Variants in PTPRG observed in about 807,000 individuals in gnomAD.
PTPRG encodes the protein protein tyrosine phosphatase receptor type G.
PTPRG carries 102 observed loss-of-function variants against 165.3 expected under a neutral mutation model. The ratio of observed to expected loss-of-function variants is 0.62; its 90% CI spans 0.53 to 0.73. PTPRG has a LOEUF of 0.73. Ranked by LOEUF, PTPRG falls within the 30% of genes least tolerant of loss-of-function variation. The pLI, the probability that PTPRG is intolerant of heterozygous loss-of-function variation, is 0.00. For missense variants in PTPRG, 1,866 were observed against 1,861.4 expected (o/e 1.00, Z -0.05); for synonymous variants, 675 against 669.5 (o/e 1.01, Z -0.13).
At chr3:61,694,655 C>T (rs549339950) in intron 1 of PTPRG, among the ~76,000 whole-genome samples, 1 of 152,260 alleles carries the variant, frequency 6.6e-6, no homozygotes, top group East Asian at 1.9e-4. Context: ...TTAAAACATC[C>T]TAGATATCCA....
intron 2 of PTPRG, among the ~76,000 whole-genome samples, chr3:61,761,591 A>AAACC: frequency 6.6e-6 from 1 of 151,740 alleles, no homozygotes; most frequent in African/African-American, 2.4e-5. Flanking sequence ...ACAAAGAAAC[A>AAACC]AACAAACAAA....
intron 8 of PTPRG, among the ~76,000 whole-genome samples, chr3:62,177,637 C>T (rs1705474790): frequency 6.6e-6 from 1 of 152,184 alleles, no homozygotes; most frequent in Admixed American, 6.5e-5. Context: ...CCGTCTTGTA[C>T]TTTCCTTCCC....
intron 1 of PTPRG, among the ~76,000 whole-genome samples, chr3:61,664,799 C>G (rs1359398017): frequency 6.6e-6 from 1 of 152,114 alleles, no homozygotes; most frequent in Non-Finnish European, 1.5e-5. Context: ...CCATTGCACT[C>G]CAGCCTGGGC....
chr3:61,937,167 G>C (rs866189418), intron 2 of PTPRG, among the ~76,000 whole-genome samples: 1 of 152,200 alleles, frequency 6.6e-6, no homozygotes, highest in Admixed American at 6.5e-5. Context: ...TTCCTTGAAA[G>C]ATGCAAACCT....
At chr3:61,729,298 T>TA (rs1366145982) in intron 1 of PTPRG, among the ~76,000 whole-genome samples, 1 of 152,040 alleles carries the variant, frequency 6.6e-6, no homozygotes, top group Non-Finnish European at 1.5e-5. Context: ...GATGGCTTGA[T>TA]ACCAACATTT....
At chr3:62,287,850 T>TATATACATAGGCCATAAATGG (rs1284296641) in intron 28 of PTPRG, among the ~76,000 whole-genome samples, 14 of 152,114 alleles carry the variant, frequency 9.2e-5, no homozygotes, top group Non-Finnish European at 1.6e-4. Context: ...ATGGTTTATT[T>TATATACATAGGCCATAAATGG]ATATACATAG....
chr3:61,904,637 G>A (rs1247556864), intron 2 of PTPRG, among the ~76,000 whole-genome samples: 1 of 152,024 alleles, frequency 6.6e-6, no homozygotes, highest in Non-Finnish European at 1.5e-5. Context: ...TAACAGCTGG[G>A]GTTTTTCACT....
chr3:61,939,555 G>C (rs944927847), intron 2 of PTPRG, among the ~76,000 whole-genome samples: 5 of 152,190 alleles, frequency 3.3e-5, no homozygotes, highest in Non-Finnish European at 7.3e-5. Flanking sequence ...GTAAGGTGCT[G>C]CATTTTGGGA....
chr3:61,797,998 A>G (rs2035107102), intron 2 of PTPRG, among the ~76,000 whole-genome samples: 1 of 152,210 alleles, frequency 6.6e-6, no homozygotes, highest in Non-Finnish European at 1.5e-5. Context: ...GAAGGCAGAG[A>G]GATACTTGAG....
intron 5 of PTPRG, among the ~76,000 whole-genome samples, chr3:62,086,680 G>T (rs1701763201): frequency 6.6e-6 from 1 of 152,110 alleles, no homozygotes. Flanking sequence ...TGATTAAGAA[G>T]ACTTTTTTTT....
intron 1 of PTPRG, among the ~76,000 whole-genome samples, chr3:61,721,622 T>A (rs991061618): frequency 1.3e-5 from 2 of 152,180 alleles, no homozygotes; most frequent in Non-Finnish European, 2.9e-5. Context: ...TTTTCATATT[T>A]AACACCATGT....
chr3:62,092,414 T>C (rs1701968898), intron 5 of PTPRG, among the ~76,000 whole-genome samples: 1 of 118,122 alleles, frequency 8.5e-6, no homozygotes, highest in Admixed American at 1.1e-4. Context: ...CACTCCAACC[T>C]GGGCAACAGA....
chr3:61,738,280 A>G (rs3933166), intron 1 of PTPRG, among the ~76,000 whole-genome samples: 22 of 13,214 alleles, frequency 1.7e-3, no homozygotes, highest in Non-Finnish European at 3.3e-3. Flanking sequence ...ATATATATAC[A>G]TATATATATA....
At chr3:62,179,979 G>A (rs759604020) in intron 8 of PTPRG, among the ~76,000 whole-genome samples, 7 of 152,224 alleles carry the variant, frequency 4.6e-5, no homozygotes, top group African/African-American at 1.2e-4. Flanking sequence ...GAGATGCAGA[G>A]TTAACAGGTA....
chr3:61,591,106 T>C (rs1415541832), intron 1 of PTPRG, among the ~76,000 whole-genome samples: 1 of 152,190 alleles, frequency 6.6e-6, no homozygotes, highest in East Asian at 1.9e-4. Flanking sequence ...ATGCTGCAAA[T>C]GTAATTAGGC....
chr3:62,069,455 G>T (rs1453927877), intron 4 of PTPRG, among the ~76,000 whole-genome samples: 3 of 152,182 alleles, frequency 2.0e-5, no homozygotes, highest in Admixed American at 6.5e-5. Flanking sequence ...CTGTTAGAAA[G>T]AAGTGAGAGA....
intron 2 of PTPRG, among the ~76,000 whole-genome samples, chr3:61,807,860 G>C (rs941544222): frequency 1.3e-5 from 2 of 152,112 alleles, no homozygotes; most frequent in African/African-American, 4.8e-5. Context: ...AAGCAGCTCA[G>C]AGAATGACTT....
At chr3:61,697,021 C>T (rs368431981) in intron 1 of PTPRG, among the ~76,000 whole-genome samples, 1 of 152,120 alleles carries the variant, frequency 6.6e-6, no homozygotes, top group East Asian at 1.9e-4. Context: ...ACATACTACT[C>T]CAAAATATGG....
intron 2 of PTPRG, among the ~76,000 whole-genome samples, chr3:61,856,111 C>G (rs951246214): frequency 3.1e-4 from 47 of 152,116 alleles, no homozygotes; most frequent in African/African-American, 1.1e-3. Flanking sequence ...CTTGTACTTA[C>G]GTAGAACATT....
Sources: allele counts gnomAD v4.1 joint callset (sites outside exome capture counted in the v4.1 genomes callset), GRCh38; gene constraint gnomAD v4.1.1; transcripts MANE v1.5; gene names NCBI Gene and HGNC (gene_info 2026-07-23, HGNC 2026-07-21).